HAO2: variants seen among roughly 807,000 people sequenced by gnomAD.
HAO2 encodes the protein hydroxyacid oxidase 2.
Under a neutral mutation model 37.4 loss-of-function variants are expected in HAO2, and 42 were observed. The ratio of observed to expected loss-of-function variants is 1.12; its 90% CI spans 0.88 to 1.45. The LOEUF is 1.45. HAO2 is among the 40% of genes most tolerant of loss of function. The pLI, the probability that HAO2 is intolerant of heterozygous loss-of-function variation, is 0.00. For missense variants in HAO2, 476 were observed against 430.2 expected (o/e 1.11, Z -0.94); for synonymous variants, 180 against 162.8 (o/e 1.11, Z -0.81).
intron 4 of HAO2, chr1:119,385,880 A>G: frequency 1.0e-6 from 1 of 984,838 alleles, no homozygotes; most frequent in Non-Finnish European, 1.2e-6. Flanking sequence ...TTTGATGTAC[A>G]TGGTGAGCCA....
chr1:119,373,764 G>C (rs1557841429), intron 1 of HAO2, among the ~76,000 whole-genome samples: 2 of 152,236 alleles, frequency 1.3e-5, no homozygotes, highest in East Asian at 1.9e-4. Context: ...CCTCATGGTA[G>C]AACATGCTTA....
intron 1 of HAO2, among the ~76,000 whole-genome samples, chr1:119,372,740 A>C (rs769594160): frequency 4.6e-5 from 7 of 152,228 alleles, no homozygotes; most frequent in Non-Finnish European, 8.8e-5. Flanking sequence ...TTGAAAAGAA[A>C]GACCTCCAGG....
At chr1:119,380,493 G>C in intron 1 of HAO2, 4 of 522,268 alleles carry the variant, frequency 7.7e-6, no homozygotes, top group Non-Finnish European at 1.4e-5. Context: ...TCCCCACTCT[G>C]TAATCCACAG....
At chr1:119,392,052 G>T in intron 5 of HAO2, 58 bp from the exon 6 acceptor site, 2 of 1,479,628 alleles carry the variant, frequency 1.4e-6, no homozygotes, top group South Asian at 2.6e-5. Flanking sequence ...ATGCCAGGAA[G>T]ACCAAGTCTG....
chr1:119,387,709 GCTC>G (rs1650499257), intron 5 of HAO2, among the ~76,000 whole-genome samples: 1 of 151,988 alleles, frequency 6.6e-6, no homozygotes, highest in African/African-American at 2.4e-5. Flanking sequence ...CAGTATATAT[GCTC>G]CTCTTATTTT....
intron 4 of HAO2, chr1:119,385,412 T>C (rs1391159648): frequency 3.2e-6 from 3 of 929,432 alleles, no homozygotes; most frequent in Non-Finnish European, 2.6e-6. Flanking sequence ...TATGACACAC[T>C]CAGAAAATGC....
In HAO2 at chr1:119,393,919, C is replaced by T; in HGVS notation, c.*79C>T. ...CTCACAGCACAGTGTGTGATGCTGT[C>T]CTTCCTGGACCCCATTCTGTCCGGA... is the stretch of plus-strand genomic sequence containing the variant. On this transcript the variant is annotated 3_prime_UTR_variant, in exon 8 of 8. Transcript: ENST00000325945. 1.2e-6 allele frequency: 2 copies of T among 1,603,874 alleles called. No individual in the cohort carries two copies. The highest frequency in any genetic ancestry group is 2.2e-5 in the East Asian group (1 of 44,476).
chr1:119,370,861 C>T (rs1212401013), intron 1 of HAO2, among the ~76,000 whole-genome samples: 3 of 152,178 alleles, frequency 2.0e-5, no homozygotes, highest in Non-Finnish European at 4.4e-5. Context: ...GCCTTTTCTC[C>T]TCTCTCTCCT....
intron 5 of HAO2, among the ~76,000 whole-genome samples, chr1:119,387,095 C>T (rs1436374523): frequency 6.6e-6 from 1 of 152,066 alleles, no homozygotes; most frequent in African/African-American, 2.4e-5. Context: ...CCCTGATTTG[C>T]AAATGGGGAT....
At chr1:119,370,816 C>T (rs1648931092) in intron 1 of HAO2, among the ~76,000 whole-genome samples, 1 of 152,184 alleles carries the variant, frequency 6.6e-6, no homozygotes, top group Non-Finnish European at 1.5e-5. Flanking sequence ...AAAAACTGCA[C>T]TCCATAGCTG....
chr1:119,390,898 G>A (rs761342177), intron 5 of HAO2, among the ~76,000 whole-genome samples: 1 of 151,974 alleles, frequency 6.6e-6, no homozygotes, highest in Non-Finnish European at 1.5e-5. Context: ...AGACTCTAGG[G>A]GAGTGCCAAA....
In HAO2 at chr1:119,371,494, T is replaced by A. The variant is rs192770972; in HGVS notation, c.-9+2592T>A. Among the ~76,000 whole-genome samples the A allele has an allele frequency of 7.9e-5, 12 of 152,348 alleles. No homozygotes were observed. The East Asian group carries it at 2.1e-3, about 27-fold the overall frequency. ...TTTGAGGGAAGAAAGCAAAGTTGCA[T>A]ATGTCCATGACATTTTAATCCTCTA... On this transcript the variant is annotated intron_variant, in intron 1 of 7. Coordinates refer to ENST00000325945, the MANE Select transcript of HAO2 (RefSeq NM_016527.4).
intron 2 of HAO2, 101 bp from the exon 3 acceptor site, chr1:119,382,814 G>A (rs1392314681): frequency 1.8e-6 from 2 of 1,123,146 alleles, no homozygotes; most frequent in East Asian, 4.9e-5. Flanking sequence ...ACCCTGTCTG[G>A]TTTAGACTTG....
In HAO2 at chr1:119,386,714, C is replaced by T. The variant is rs1650409972; in HGVS notation, c.654C>T (p.Pro218=). ...LSWFQSITRL[P]IILKGILTKE... is the part of the protein sequence containing the mutation. ...GGTTTCAGAGCATAACTCGATTGCCCATCATCCTGAAAGGGATTTTGACAA... is the reference window on the plus strand; with the variant it reads ...GGTTTCAGAGCATAACTCGATTGCCTATCATCCTGAAAGGGATTTTGACAA... The change falls in exon 5 of 8, where the codon CCC becomes CCT. Residue 218 remains proline (P), a synonymous_variant. Coordinates refer to ENST00000325945, the MANE Select transcript of HAO2 (RefSeq NM_016527.4). 1 of 1,612,570 alleles carries T rather than the reference C, an allele frequency of 6.2e-7. No homozygotes were observed. The highest frequency in any genetic ancestry group is 1.1e-5 in the South Asian group (1 of 91,052).
At chr1:119,391,532 C>T (rs909702255) in intron 5 of HAO2, among the ~76,000 whole-genome samples, 12 of 152,130 alleles carry the variant, frequency 7.9e-5, no homozygotes, top group Admixed American at 2.0e-4. Context: ...TTAGTTTTAC[C>T]GTGTTGTACT....
intron 1 of HAO2, chr1:119,380,733 A>G (rs762997197): frequency 6.4e-7 from 1 of 1,573,214 alleles, no homozygotes; most frequent in South Asian, 1.1e-5. Context: ...GGCAAGATAC[A>G]AAAATAAGAA....
chr1:119,380,392 G>T, intron 1 of HAO2: 1 of 353,868 alleles, frequency 2.8e-6, no homozygotes, highest in Non-Finnish European at 5.0e-6. Flanking sequence ...TAGGAAAAAG[G>T]TAGATGGTGA....
At chr1:119,389,170 A>ATATATATAT (rs1557855935) in intron 5 of HAO2, among the ~76,000 whole-genome samples, 3 of 96,542 alleles carry the variant, frequency 3.1e-5, no homozygotes, top group Admixed American at 1.1e-4. Context: ...ATATATATAC[A>ATATATATAT]CCACAGTTTC....
At chr1:119,393,360 T>C (rs1557859480) in intron 7 of HAO2, among the ~76,000 whole-genome samples, 1 of 152,154 alleles carries the variant, frequency 6.6e-6, no homozygotes, top group Non-Finnish European at 1.5e-5. Flanking sequence ...GTCTTTTCCT[T>C]TGACAGAACT....
Sources: gnomAD v4.1 joint callset for allele counts (sites outside exome capture counted in the v4.1 genomes callset) on GRCh38, gnomAD v4.1.1 for gene constraint, MANE v1.5 for transcripts, NCBI Gene and HGNC (gene_info 2026-07-23, HGNC 2026-07-21) for gene names.